BANK1: variants seen among roughly 807,000 people sequenced by gnomAD.
BANK1 encodes B-cell scaffold protein with ankyrin repeats.
Under a neutral mutation model 94.5 loss-of-function variants are expected in BANK1, and 95 were observed. The observed-to-expected ratio is 1.00, with a 90% CI of 0.85 to 1.19. The LOEUF (loss-of-function observed/expected upper bound fraction) is 1.19, where lower values mean the gene tolerates loss of function less well. BANK1 is among the 50% of genes most tolerant of loss of function. The pLI is 0.00. For missense variants in BANK1, 987 were observed against 932.2 expected (o/e 1.06, Z -0.77); for synonymous variants, 334 against 308.4 (o/e 1.08, Z -0.87).
chr4:101,869,200 ATATCT>A (rs1305683347), intron 4 of BANK1, among the ~76,000 whole-genome samples: 1 of 151,942 alleles, frequency 6.6e-6, no homozygotes, highest in Non-Finnish European at 1.5e-5. Flanking sequence ...AACAAAATTA[ATATCT>A]TATTTCAAAA....
chr4:101,840,069 C>T lies in BANK1; in HGVS notation c.469+9863C>T, dbSNP rs1389429831. 4.7e-3 allele frequency among the ~76,000 whole-genome samples: 652 copies of T among 138,118 alleles called. 9 individuals carry two copies. Among genetic ancestry groups the T allele is most frequent in the African/African-American group, 0.016 (617 of 37,936 alleles). The allele number at this position is 138,118 out of a possible 152,430, so 90.6% of individuals were successfully genotyped here. A position where few individuals can be genotyped will look rare whatever the true frequency, so the allele number is the denominator to read the frequency against. ...CTGCAAGCTCCGCCTCCCGGGTTCA[C>T]GCCATTCTCCTGCCTCAGCCTCCCA... On this transcript the variant is annotated intron_variant, in intron 2 of 16. Coordinates refer to ENST00000322953, the MANE Select transcript of BANK1 (RefSeq NM_017935.5).
chr4:102,026,068 C>G (rs547522071), intron 9 of BANK1, among the ~76,000 whole-genome samples: 1 of 152,282 alleles, frequency 6.6e-6, no homozygotes, highest in Admixed American at 6.5e-5. Context: ...TTTAAAAACA[C>G]TCTATACACT....
chr4:101,930,643 T>C (rs1723307725), intron 7 of BANK1, among the ~76,000 whole-genome samples: 2 of 151,570 alleles, frequency 1.3e-5, no homozygotes. Context: ...GTATCTGTTT[T>C]TGCTGCTTTG....
chr4:102,072,979 A>G (rs1028765374), intron 15 of BANK1, among the ~76,000 whole-genome samples: 3 of 152,174 alleles, frequency 2.0e-5, no homozygotes, highest in African/African-American at 7.2e-5. Context: ...TGCATATATA[A>G]TGTAACACAC....
At chr4:101,967,347 T>C (rs1724800988) in intron 7 of BANK1, among the ~76,000 whole-genome samples, 1 of 152,062 alleles carries the variant, frequency 6.6e-6, no homozygotes, top group Admixed American at 6.6e-5. Flanking sequence ...CCAGGATTCA[T>C]GCCCAAGTTT....
chr4:101,956,912 T>G (rs1724366549), intron 7 of BANK1, among the ~76,000 whole-genome samples: 1 of 152,188 alleles, frequency 6.6e-6, no homozygotes, highest in African/African-American at 2.4e-5. Context: ...ATCAGATAAT[T>G]TAAAAATAGG....
intron 1 of BANK1, among the ~76,000 whole-genome samples, chr4:101,829,425 GT>G (rs144220121): frequency 1.4e-5 from 2 of 147,994 alleles, no homozygotes; most frequent in African/African-American, 2.5e-5. Flanking sequence ...CTCCTCCTTT[GT>G]TTTTTTTTGA....
At chr4:101,948,462 C>CTTTTGATTTAGATTTTATCATTCT (rs1724014864) in intron 7 of BANK1, among the ~76,000 whole-genome samples, 1 of 152,082 alleles carries the variant, frequency 6.6e-6, no homozygotes, top group South Asian at 2.1e-4. Flanking sequence ...ATTTTATCTT[C>CTTTTGATTTAGATTTTATCATTCT]TTTACAATGG....
Position 101,981,599 on chromosome 4 carries a change from G to T in BANK1, c.1207-39915G>T, listed in dbSNP as rs1397767966. On this transcript the variant is annotated intron_variant, in intron 7 of 16. Coordinates refer to ENST00000322953, the MANE Select transcript of BANK1 (RefSeq NM_017935.5). ...AGGATTTGGATATACTTTTTTATAT[G>T]CCTTGGCACATTTTAGTAACACTGG... Among the ~76,000 whole-genome samples, 5 of 152,030 alleles carry T rather than the reference G, an allele frequency of 3.3e-5. No homozygotes were observed. The East Asian group carries it at 7.7e-4, about 24-fold the overall frequency.
chr4:101,816,786 A>T (rs1476711884), intron 1 of BANK1, among the ~76,000 whole-genome samples: 5 of 152,170 alleles, frequency 3.3e-5, no homozygotes, highest in African/African-American at 1.2e-4. Context: ...TTGCTAGATC[A>T]CATAACACCC....
chr4:101,825,060 G>A lies in BANK1; in HGVS notation c.71-4748G>A, dbSNP rs770124158. ...ATAAAAATTAATATGGCTGTATTTT[G>A]TTCCTACAGAACCATTGTATAATGC... On this transcript the variant is annotated intron_variant, in intron 1 of 16. Coordinates refer to ENST00000322953, the MANE Select transcript of BANK1 (RefSeq NM_017935.5). 1.9e-4 allele frequency among the ~76,000 whole-genome samples: 29 copies of A among 152,092 alleles called. 1 individual carries two copies. The highest frequency in any genetic ancestry group is 1.5e-5 in the Non-Finnish European group (1 of 67,988).
intron 3 of BANK1, among the ~76,000 whole-genome samples, chr4:101,857,563 A>G (rs1460543136): frequency 5.3e-5 from 8 of 152,168 alleles, no homozygotes; most frequent in Non-Finnish European, 1.2e-4. Context: ...GCTACTACCT[A>G]TGACCCTTGG....
At chr4:101,825,352 T>G (rs1269747303) in intron 1 of BANK1, among the ~76,000 whole-genome samples, 1 of 152,146 alleles carries the variant, frequency 6.6e-6, no homozygotes, top group Admixed American at 6.5e-5. Flanking sequence ...CTGGGCTACT[T>G]TTGAGAATTT....
chr4:101,995,085 C>A (rs62322737), intron 7 of BANK1, among the ~76,000 whole-genome samples: 14 of 151,908 alleles, frequency 9.2e-5, no homozygotes, highest in South Asian at 2.1e-4. Context: ...TCTCCTAATG[C>A]TATCCTTCCC....
At chr4:102,063,369 T>C (rs1728487910) in intron 13 of BANK1, among the ~76,000 whole-genome samples, 2 of 151,890 alleles carry the variant, frequency 1.3e-5, no homozygotes, top group Admixed American at 1.3e-4. Context: ...AAAATACTTA[T>C]CATATTCTCT....
intron 11 of BANK1, 57 bp from the exon 12 acceptor site, chr4:102,060,154 G>T (rs1426806129): frequency 5.6e-6 from 8 of 1,430,764 alleles, no homozygotes; most frequent in African/African-American, 1.5e-5. Context: ...GAGTGCTTTT[G>T]TTCCCAGTTG....
chr4:101,956,097 G>A (rs1479119036), intron 7 of BANK1, among the ~76,000 whole-genome samples: 1 of 151,992 alleles, frequency 6.6e-6, no homozygotes, highest in East Asian at 1.9e-4. Flanking sequence ...TTAAACGTAA[G>A]ATTATTTTAA....
chr4:102,065,465 A>G (rs902938511), intron 13 of BANK1, among the ~76,000 whole-genome samples: 1 of 152,226 alleles, frequency 6.6e-6, no homozygotes, highest in Admixed American at 6.5e-5. Context: ...TACCGTCATC[A>G]GAAGAATATT....
Position 101,805,569 on chromosome 4 carries a change from T to G in BANK1, c.70+14619T>G, listed in dbSNP as rs568123371. Among the ~76,000 whole-genome samples, 6 of 150,332 alleles carry G rather than the reference T, an allele frequency of 4.0e-5. No homozygotes were observed. In the South Asian group the frequency reaches 1.3e-3, roughly 31 times the overall value. ...TGAACAGCCTCAGATAAATAAATAATAAATATACAAATATTTATTATTTGT... is the reference window on the plus strand; with the variant it reads ...TGAACAGCCTCAGATAAATAAATAAGAAATATACAAATATTTATTATTTGT... On this transcript the variant is annotated intron_variant, in intron 1 of 16. Coordinates refer to ENST00000322953, the MANE Select transcript of BANK1 (RefSeq NM_017935.5).
Sources: gnomAD v4.1 joint callset for allele counts (sites outside exome capture counted in the v4.1 genomes callset) on GRCh38, gnomAD v4.1.1 for gene constraint, MANE v1.5 for transcripts, NCBI Gene and HGNC (gene_info 2026-07-23, HGNC 2026-07-21) for gene names.